Variants in F2RL2 observed in about 807,000 individuals in gnomAD.
F2RL2 encodes the protein coagulation factor II thrombin receptor like 2, also known as proteinase-activated receptor 3.
Under a neutral mutation model 4.3 loss-of-function variants are expected in F2RL2, and 4 were observed. The observed-to-expected ratio is 0.93, with a 90% CI of 0.46 to 2.12. F2RL2 has a LOEUF of 2.12. Ranked by LOEUF, F2RL2 falls within the 30% of genes most tolerant of loss-of-function variation. The pLI is 0.02. For missense variants in F2RL2, 408 were observed against 449.3 expected (o/e 0.91, Z 0.83); for synonymous variants, 166 against 170.9 (o/e 0.97, Z 0.22).
chr5:76,618,734 A>C, intron 1 of F2RL2, 92 bp from the exon 2 acceptor site: 1 of 1,120,546 alleles, frequency 8.9e-7, no homozygotes. Flanking sequence ...GTGATTGTAG[A>C]ATTTAAGATC....
At chr5:76,619,774 A>T (rs191425965) in intron 1 of F2RL2, among the ~76,000 whole-genome samples, 274 of 152,052 alleles carry the variant, frequency 1.8e-3, no homozygotes, top group East Asian at 5.0e-3. Context: ...CGCCTCGGCC[A>T]CCCAAAGTGC....
In F2RL2 at chr5:76,618,233, G is replaced by T. The variant is rs765431749; in HGVS notation, c.474C>A (p.Asn158Lys). ...FKIAYHLNGNNWVFGEVLCRA... is the reference protein window; with the variant it reads ...FKIAYHLNGNKWVFGEVLCRA... ...GGCACAGGACCTCTCCAAATACCCA[G>T]TTGTTCCCATTGAGATGATAAGCTA... Residue 158 changes from asparagine (N) to lysine (K), a missense_variant, in exon 2 of 2, where the codon AAC (asparagine) becomes AAA (lysine). Asn to Lys is a moderately conservative substitution (Grantham distance 94, BLOSUM62 0). Transcript: ENST00000296641. 6.2e-7 allele frequency: 1 copy of T among 1,614,170 alleles called. No individual in the cohort carries two copies. The highest frequency in any genetic ancestry group is 1.7e-5 in the Admixed American group (1 of 60,022).
chr5:76,619,514 CTTTTTTTTTTT>C (rs773323091), intron 1 of F2RL2, among the ~76,000 whole-genome samples: 2 of 104,266 alleles, frequency 1.9e-5, no homozygotes, highest in African/African-American at 4.0e-5. Context: ...TAAGGATCTT[CTTTTTTTTTTT>C]TTTTTTTTTT....
intron 1 of F2RL2, among the ~76,000 whole-genome samples, chr5:76,622,949 T>C (rs1480077213): frequency 6.6e-6 from 1 of 152,254 alleles, no homozygotes; most frequent in Non-Finnish European, 1.5e-5. Flanking sequence ...CCACACATTT[T>C]TAAACATCAG....
chr5:76,622,501 G>C (rs1365697031), intron 1 of F2RL2, among the ~76,000 whole-genome samples: 1 of 152,152 alleles, frequency 6.6e-6, no homozygotes, highest in Non-Finnish European at 1.5e-5. Flanking sequence ...ACCTAACAAA[G>C]AGTAACAGGT....
In F2RL2 at chr5:76,615,669, T is replaced by C. The variant is rs1021306467; in HGVS notation, c.*1913A>G. 2.1e-4 allele frequency: 32 copies of C among 152,068 alleles called. No individual in the cohort carries two copies. The highest frequency in any genetic ancestry group is 7.7e-4 in the African/African-American group (32 of 41,398). 9.4% of individuals were successfully genotyped at this position (152,068 alleles called of 1,614,324 possible). A position where few individuals can be genotyped will look rare whatever the true frequency, so the allele number is the denominator to read the frequency against. On this transcript the variant is annotated 3_prime_UTR_variant, in exon 2 of 2. Coordinates refer to ENST00000296641, the MANE Select transcript of F2RL2 (RefSeq NM_004101.4). The stretch of plus-strand genomic sequence containing the variant: ...CTTCCCTGCTGTCTAATCACTAATA[T>C]CTTCCCTCCTGTCTAATCACTAATG...
rs1412192002 is a variant in F2RL2 at position 76,615,619 on chromosome 5, A to G, written c.*1963T>C. ...CTCAGCCCCATTTATATTCACTACT[A>G]TCATTCACTCTTTACCACTAATATC... On this transcript the variant is annotated 3_prime_UTR_variant, in exon 2 of 2. Transcript: ENST00000296641. The G allele has an allele frequency of 6.6e-6, 1 of 152,196 alleles. No individual in the cohort carries two copies. Among genetic ancestry groups the G allele is most frequent in the African/African-American group, 2.4e-5 (1 of 41,454 alleles). 9.4% of individuals were successfully genotyped at this position (152,196 alleles called of 1,614,324 possible). A position where few individuals can be genotyped will look rare whatever the true frequency, so the allele number is the denominator to read the frequency against.
At position 76,618,368 on chromosome 5, in the gene F2RL2, A is replaced by G. The variant is rs1440167642; in HGVS notation, c.339T>C (p.Ala113=). The part of the protein sequence containing the change: ...LVFVVGVPAN[A]VTLWMLFFRT... ...TGAAGAAAAGCATCCACAGGGTCAC[A>G]GCATTGGCCGGGACACCAACTACAA... Residue 113 remains alanine (A), a synonymous_variant, in exon 2 of 2, where the codon GCT becomes GCC. Transcript: ENST00000296641. 1.2e-6 allele frequency: 2 copies of G among 1,614,146 alleles called. No individual in the cohort carries two copies. Among genetic ancestry groups the G allele is most frequent in the African/African-American group, 1.3e-5 (1 of 74,948 alleles).
Position 76,617,852 on chromosome 5 carries a change from G to A in F2RL2, c.855C>T (p.Ile285=). 1 of 1,614,072 alleles carries A rather than the reference G, an allele frequency of 6.2e-7. No homozygotes were observed. The highest frequency in any genetic ancestry group is 8.5e-7 in the Non-Finnish European group (1 of 1,179,986). Residue 285 remains isoleucine, a synonymous_variant, in exon 2 of 2, where the codon ATC becomes ATT. Coordinates refer to ENST00000296641, the MANE Select transcript of F2RL2 (RefSeq NM_004101.4). ...FVLIIYCYAA[I]IRTLNAYDHR... ...GATCGTATGCATTAAGTGTCCGGATGATGGCTGCATAGCAGTAGATGATAA... is the reference window on the plus strand; with the variant it reads ...GATCGTATGCATTAAGTGTCCGGATAATGGCTGCATAGCAGTAGATGATAA...
At chr5:76,618,695 G>C (rs942065315) in intron 1 of F2RL2, 53 bp from the exon 2 acceptor site, 2 of 1,307,358 alleles carry the variant, frequency 1.5e-6, no homozygotes, top group East Asian at 6.2e-5. Flanking sequence ...AGAAAAGAAA[G>C]TGTGTTTAAT....
chr5:76,618,129 A>G lies in F2RL2; in HGVS notation c.578T>C (p.Leu193Pro), dbSNP rs376056944. The change falls in exon 2 of 2, where the codon CTG becomes CCG. Residue 193 changes from leucine (L) to proline (P), a missense_variant. Coordinates refer to ENST00000296641, the MANE Select transcript of F2RL2 (RefSeq NM_004101.4). ...LLACISINRY[L>P]AIVHPFTYRG... ...GTAGGTGAAAGGATGGACGATGGCC[A>G]GGTAGCGGTTGATGCTGATGCAGGC... is the stretch of plus-strand genomic sequence containing the variant. The G allele has an allele frequency of 1.1e-4, 177 of 1,614,160 alleles. 1 individual carries two copies. The highest frequency in any genetic ancestry group is 8.8e-4 in the South Asian group (80 of 91,084).
Position 76,617,525 on chromosome 5 carries a change from G to C in F2RL2, c.*57C>G, listed in dbSNP as rs572690258. The C allele has an allele frequency of 1.0e-3, 1,415 of 1,377,290 alleles. 15 individuals carry two copies. In the South Asian group the frequency reaches 0.011, roughly 11 times the overall value. 85.3% of individuals were successfully genotyped at this position (1,377,290 alleles called of 1,614,324 possible). A position where few individuals can be genotyped will look rare whatever the true frequency, so the allele number is the denominator to read the frequency against. ...GAGCTCCTTGCACTATGCTTATGTT[G>C]TTCTTGAAAACAGACGTTCTCTGTG... On this transcript the variant is annotated 3_prime_UTR_variant, in exon 2 of 2. Coordinates refer to ENST00000296641, the MANE Select transcript of F2RL2 (RefSeq NM_004101.4).
In F2RL2 at chr5:76,617,384, A is replaced by C; in HGVS notation, c.*198T>G. On this transcript the variant is annotated 3_prime_UTR_variant, in exon 2 of 2. Coordinates refer to ENST00000296641, the MANE Select transcript of F2RL2 (RefSeq NM_004101.4). ...GGTTGCAATGAGCCAAGATAGTGCC[A>C]CTGCACGCCAGTCTGGGTGATAAAG... The C allele has an allele frequency of 1.9e-6, 1 of 527,430 alleles. No homozygotes were observed. The highest frequency in any genetic ancestry group is 1.9e-5 in the African/African-American group (1 of 52,962). The allele number at this position is 527,430 out of a possible 1,614,324, so 32.7% of individuals were successfully genotyped here. A position where few individuals can be genotyped will look rare whatever the true frequency, so the allele number is the denominator to read the frequency against.
chr5:76,623,107 G>A, intron 1 of F2RL2, 60 bp downstream of exon 1: 1 of 1,512,856 alleles, frequency 6.6e-7, no homozygotes, highest in Non-Finnish European at 9.2e-7. Flanking sequence ...AGGTTCAGTT[G>A]ACTCTTAATT....
intron 1 of F2RL2, among the ~76,000 whole-genome samples, chr5:76,619,996 GA>G (rs1749479013): frequency 6.6e-6 from 1 of 152,062 alleles, no homozygotes; most frequent in African/African-American, 2.4e-5. Context: ...GCAGATTCTA[GA>G]AGCTGAAAAA....
In F2RL2 at chr5:76,619,579, C is replaced by G. The variant is rs1011940610; in HGVS notation, c.65-937G>C. Among the ~76,000 whole-genome samples the G allele has an allele frequency of 2.0e-5, 3 of 147,378 alleles. No individual in the cohort carries two copies. In the East Asian group the frequency reaches 6.0e-4, roughly 30 times the overall value. ...TCGCCCAGGCTGGAGTGCAGTGGCA[C>G]GATCTCAGCTCACTGCAACCTCCGC... On this transcript the variant is annotated intron_variant, in intron 1 of 1. Transcript: ENST00000296641.
At chr5:76,622,680 G>C (rs1270697855) in intron 1 of F2RL2, among the ~76,000 whole-genome samples, 1 of 152,102 alleles carries the variant, frequency 6.6e-6, no homozygotes, top group African/African-American at 2.4e-5. Flanking sequence ...CCCACTTAAA[G>C]TCAAAAAAGG....
At chr5:76,623,107 G>T in intron 1 of F2RL2, 60 bp downstream of exon 1, 2 of 1,512,850 alleles carry the variant, frequency 1.3e-6, no homozygotes, top group South Asian at 1.1e-5. Flanking sequence ...AGGTTCAGTT[G>T]ACTCTTAATT....
Position 76,617,476 on chromosome 5 carries a change from A to T in F2RL2, c.*106T>A. The T allele has an allele frequency of 1.2e-6, 1 of 801,596 alleles. No individual in the cohort carries two copies. The highest frequency in any genetic ancestry group is 2.0e-6 in the Non-Finnish European group (1 of 506,304). 49.7% of individuals were successfully genotyped at this position (801,596 alleles called of 1,614,324 possible). ...TTTTGTAATGTTTGACCTTTGAAGC[A>T]TATTTCTTAGGAGCTCGGAAATGGA... On this transcript the variant is annotated 3_prime_UTR_variant, in exon 2 of 2. Coordinates refer to ENST00000296641, the MANE Select transcript of F2RL2 (RefSeq NM_004101.4).
Sources: gnomAD v4.1 joint callset for allele counts (sites outside exome capture counted in the v4.1 genomes callset) on GRCh38, gnomAD v4.1.1 for gene constraint, MANE v1.5 for transcripts, NCBI Gene and HGNC (gene_info 2026-07-23, HGNC 2026-07-21) for gene names.